The following TRAPPC8 variants were observed in gnomAD, a reference collection of about 807,000 sequenced individuals.
The protein encoded by TRAPPC8 is trafficking protein particle complex subunit 8, also known as general sporulation gene 1 homolog.
TRAPPC8 carries 54 observed loss-of-function variants against 174.3 expected under a neutral mutation model. The ratio of observed to expected loss-of-function variants is 0.31; its 90% CI spans 0.25 to 0.39. TRAPPC8 has a LOEUF of 0.39. Among genes scored for constraint, TRAPPC8 ranks in the 10% least tolerant of loss-of-function variants. The pLI, the probability that TRAPPC8 is intolerant of heterozygous loss-of-function variation, is 1.00. For synonymous variants in TRAPPC8, 630 were observed against 579.9 expected (o/e 1.09, Z -1.24); for missense variants, 1,531 against 1,699.1 (o/e 0.90, Z 1.74).
intron 21 of TRAPPC8, among the ~76,000 whole-genome samples, chr18:31,855,225 TA>T (rs1363367356): frequency 6.6e-6 from 1 of 151,994 alleles, no homozygotes; most frequent in Non-Finnish European, 1.5e-5. Flanking sequence ...TTAGAGTGCA[TA>T]AACAGGAATG....
intron 2 of TRAPPC8, among the ~76,000 whole-genome samples, chr18:31,922,178 A>G (rs2037418482): frequency 6.6e-6 from 1 of 152,230 alleles, no homozygotes; most frequent in Non-Finnish European, 1.5e-5. Flanking sequence ...TATAATTTTG[A>G]GTTTGAAACT....
chr18:31,874,240 G>A (rs1440827303), intron 13 of TRAPPC8: 3 of 454,146 alleles, frequency 6.6e-6, no homozygotes, highest in South Asian at 9.9e-5. Flanking sequence ...TTTTTTTTAA[G>A]ATTCTAAGAA....
intron 2 of TRAPPC8, among the ~76,000 whole-genome samples, chr18:31,922,483 C>T (rs1315517210): frequency 1.3e-5 from 2 of 151,832 alleles, no homozygotes; most frequent in African/African-American, 4.8e-5. Context: ...GCTGGCTACT[C>T]GAGAGGCTGA....
chr18:31,903,157 C>T (rs1448997408), intron 9 of TRAPPC8, among the ~76,000 whole-genome samples: 2 of 151,786 alleles, frequency 1.3e-5, no homozygotes, highest in Non-Finnish European at 2.9e-5. Flanking sequence ...CCCTGTGACA[C>T]TGGAAGTGGC....
In TRAPPC8 at chr18:31,857,840, T is replaced by C; in HGVS notation, c.2888A>G (p.Asn963Ser). The change falls in exon 20 of 29, where the codon AAT (asparagine) becomes AGT (serine). Residue 963 changes from asparagine (N) to serine (S), a missense_variant. Transcript: ENST00000283351. The part of the protein sequence containing the change: ...KRPEFFTFGG[N>S]TAVLTPLSPS... ...ACTTAGTGGTGTTAGAACAGCAGTATTACCACCGAAAGTAAAGAACTCTGG... is the reference window on the plus strand; with the variant it reads ...ACTTAGTGGTGTTAGAACAGCAGTACTACCACCGAAAGTAAAGAACTCTGG... 6.2e-7 allele frequency: 1 copy of C among 1,614,194 alleles called. No homozygotes were observed. Among genetic ancestry groups the C allele is most frequent in the South Asian group, 1.1e-5 (1 of 91,080 alleles).
In TRAPPC8 at chr18:31,832,152, A is replaced by G. The variant is rs755898259; in HGVS notation, c.4005T>C (p.Thr1335=). ...HQKSLCLVPV[T]LLLSNCSKAD... Reference sequence around the variant, plus strand: ...CCTTAGAACAATTGGAAAGTAAAAGAGTGACTGGTACTAAACAAAGGCTAT... The same window carrying G: ...CCTTAGAACAATTGGAAAGTAAAAGGGTGACTGGTACTAAACAAAGGCTAT... The change falls in exon 28 of 29, where the codon ACT becomes ACC. Residue 1335 remains threonine (T), a synonymous_variant. Coordinates refer to ENST00000283351, the MANE Select transcript of TRAPPC8 (RefSeq NM_014939.5). 6.5e-7 allele frequency: 1 copy of G among 1,549,326 alleles called. No homozygotes were observed. Among genetic ancestry groups the G allele is most frequent in the Non-Finnish European group, 8.6e-7 (1 of 1,158,252 alleles).
intron 12 of TRAPPC8, among the ~76,000 whole-genome samples, chr18:31,877,080 AG>A (rs1392736844): frequency 6.6e-6 from 1 of 152,176 alleles, no homozygotes; most frequent in Non-Finnish European, 1.5e-5. Context: ...GGCTGCCCCT[AG>A]GGGAAGGGGG....
chr18:31,922,834 A>G (rs1161581870), intron 2 of TRAPPC8, among the ~76,000 whole-genome samples: 4 of 152,172 alleles, frequency 2.6e-5, no homozygotes, highest in African/African-American at 9.6e-5. Flanking sequence ...CCTGGGCAAC[A>G]TGAGAAAACC....
chr18:31,905,899 C>A (rs1046221469), intron 9 of TRAPPC8, among the ~76,000 whole-genome samples: 1 of 152,050 alleles, frequency 6.6e-6, no homozygotes, highest in South Asian at 2.1e-4. Context: ...TTTCTCATTA[C>A]AAATGCATAC....
intron 1 of TRAPPC8, among the ~76,000 whole-genome samples, chr18:31,940,487 A>G (rs1032325001): frequency 6.6e-6 from 1 of 152,070 alleles, no homozygotes; most frequent in Non-Finnish European, 1.5e-5. Context: ...AAACAAAAAA[A>G]CTAATTTCAC....
In TRAPPC8 at chr18:31,852,649, T is replaced by C; in HGVS notation, c.3448A>G (p.Ser1150Gly). ...AAGCAAAACTTTCCCTTCTCCCTAC[T>C]GGCAAGTTTGGTATCTAGGAAGAAA... The part of the protein sequence containing the change: ...LSENKDTKLA[S>G]REKGKFCFKA... Residue 1150 changes from serine to glycine, a missense_variant, in exon 23 of 29, where the codon AGT becomes GGT. Ser to Gly is a moderately conservative substitution (Grantham distance 56). Coordinates refer to ENST00000283351, the MANE Select transcript of TRAPPC8 (RefSeq NM_014939.5). 6.2e-7 allele frequency: 1 copy of C among 1,613,836 alleles called. No homozygotes were observed. Among genetic ancestry groups the C allele is most frequent in the Middle Eastern group, 1.7e-4 (1 of 6,060 alleles).
Position 31,892,154 on chromosome 18 carries a change from CAT to C in TRAPPC8, c.1597-1290_1597-1289del, listed in dbSNP as rs558688928. Among the ~76,000 whole-genome samples the C allele has an allele frequency of 3.1e-3, 468 of 152,194 alleles. 1 individual carries two copies. Among genetic ancestry groups the C allele is most frequent in the African/African-American group, 0.01 (430 of 41,542 alleles). Reference sequence around the variant, plus strand: ...CAAACTAATTTTTTTAAAAAGAATACATGTTTGAAGAAAAAAGTGAACATCTT... The same window carrying C: ...CAAACTAATTTTTTTAAAAAGAATACGTTTGAAGAAAAAAGTGAACATCTT... On this transcript the variant is annotated intron_variant, in intron 11 of 28. Transcript: ENST00000283351.
Position 31,891,138 on chromosome 18 carries a change from G to GT in TRAPPC8, c.1597-273dup, listed in dbSNP as rs150865384. 865 of 173,350 alleles carry GT rather than the reference G, an allele frequency of 5.0e-3. 5 individuals carry two copies. Among genetic ancestry groups the GT allele is most frequent in the African/African-American group, 0.019 (815 of 42,212 alleles). The allele number at this position is 173,350 out of a possible 1,614,324, so 10.7% of individuals were successfully genotyped here. On this transcript the variant is annotated intron_variant, in intron 11 of 28. Transcript: ENST00000283351. ...ATGATATGTGCCATGTACCAAATCT[G>GT]TGAATAATTGCAATCCTTTCTCAAA...
At chr18:31,926,267 AT>A (rs995742414) in intron 2 of TRAPPC8, among the ~76,000 whole-genome samples, 1 of 152,100 alleles carries the variant, frequency 6.6e-6, no homozygotes, top group Non-Finnish European at 1.5e-5. Context: ...AATAGCTAAG[AT>A]TTTTTTGTCC....
intron 1 of TRAPPC8, among the ~76,000 whole-genome samples, chr18:31,942,065 G>C (rs1023688184): frequency 2.4e-4 from 36 of 152,276 alleles, no homozygotes; most frequent in African/African-American, 8.4e-4. Flanking sequence ...TTCTTGAGAG[G>C]TTAAGCAAAA....
intron 21 of TRAPPC8, 42 bp downstream of exon 21, chr18:31,855,618 C>T: frequency 6.4e-7 from 1 of 1,557,000 alleles, no homozygotes; most frequent in Non-Finnish European, 8.7e-7. Flanking sequence ...GGAAACACTT[C>T]AAATATAATT....
intron 19 of TRAPPC8, among the ~76,000 whole-genome samples, chr18:31,863,716 G>A (rs1037164902): frequency 9.2e-5 from 14 of 152,062 alleles, no homozygotes; most frequent in Admixed American, 1.3e-4. Context: ...AATAACTTGA[G>A]GATGTGGGAG....
intron 4 of TRAPPC8, among the ~76,000 whole-genome samples, chr18:31,915,490 A>C (rs1598733121): frequency 2.3e-5 from 3 of 131,826 alleles, no homozygotes; most frequent in Non-Finnish European, 3.2e-5. Context: ...GCGCAGGCGC[A>C]GTGGCTCCCG....
chr18:31,858,493 G>T (rs1465332844), intron 19 of TRAPPC8, among the ~76,000 whole-genome samples: 1 of 152,056 alleles, frequency 6.6e-6, no homozygotes, highest in East Asian at 1.9e-4. Flanking sequence ...CCAACCTCAG[G>T]CTTTTAGTAA....
Sources: allele counts gnomAD v4.1 joint callset (sites outside exome capture counted in the v4.1 genomes callset), GRCh38; gene constraint gnomAD v4.1.1; transcripts MANE v1.5; gene names NCBI Gene and HGNC (gene_info 2026-07-23, HGNC 2026-07-21).